SMYD3: variants seen among roughly 807,000 people sequenced by gnomAD.
SMYD3 encodes histone-lysine N-methyltransferase SMYD3.
In SMYD3, 36 loss-of-function variants were observed where a neutral mutation model predicts 57.7. That is an observed-to-expected ratio of 0.62 (90% confidence interval 0.48 to 0.82). The LOEUF (loss-of-function observed/expected upper bound fraction) is 0.82. Ranked by LOEUF, SMYD3 falls within the 40% of genes least tolerant of loss-of-function variation. The probability of loss-of-function intolerance (pLI) is 0.00; values close to 1 mark genes in which losing one functional copy is unlikely to be tolerated. For missense variants in SMYD3, 515 were observed against 538.8 expected (o/e 0.96, Z 0.44); for synonymous variants, 211 against 195.0 (o/e 1.08, Z -0.68).
Position 246,335,374 on chromosome 1 carries a change from A to G in SMYD3, c.329T>C (p.Phe110Ser). The G allele has an allele frequency of 6.2e-7, 1 of 1,614,000 alleles. No homozygotes were observed. The highest frequency in any genetic ancestry group is 8.5e-7 in the Non-Finnish European group (1 of 1,179,860). The stretch of plus-strand genomic sequence containing the variant: ...CATGAGTTTTATACTCACAAGTTTG[A>G]AGACAACTCTGCCAAGAAGTCGAAC... ...DSVRLLGRVV[F>S]KLMDGAPSES... Residue 110 changes from phenylalanine (F) to serine (S), a missense_variant, in exon 3 of 12, where the codon TTC becomes TCC. By Grantham distance (155) the Phe-to-Ser change is radical. Transcript: ENST00000490107.
intron 5 of SMYD3, among the ~76,000 whole-genome samples, chr1:245,999,884 C>T (rs901879370): frequency 6.6e-6 from 1 of 152,188 alleles, no homozygotes; most frequent in African/African-American, 2.4e-5. Flanking sequence ...ACTTACTTTG[C>T]TTACTTCTTC....
chr1:246,392,696 C>G (rs1486858250), intron 1 of SMYD3, among the ~76,000 whole-genome samples: 2 of 151,856 alleles, frequency 1.3e-5, no homozygotes, highest in African/African-American at 4.8e-5. Flanking sequence ...CATCCTCCCA[C>G]CTCCACCTTC....
chr1:246,223,278 G>C (rs942148966), intron 5 of SMYD3, among the ~76,000 whole-genome samples: 3 of 152,178 alleles, frequency 2.0e-5, no homozygotes, highest in Admixed American at 1.3e-4. Context: ...AGTGTTGCCA[G>C]AGATGGAAGG....
intron 5 of SMYD3, among the ~76,000 whole-genome samples, chr1:246,144,153 C>T (rs1473347718): frequency 6.6e-6 from 1 of 152,176 alleles, no homozygotes; most frequent in African/African-American, 2.4e-5. Flanking sequence ...ACGGATACAC[C>T]CGCCAGAGGA....
chr1:246,217,078 T>G (rs2063176074), intron 5 of SMYD3, among the ~76,000 whole-genome samples: 1 of 152,118 alleles, frequency 6.6e-6, no homozygotes, highest in Admixed American at 6.5e-5. Flanking sequence ...AGGGGGATAA[T>G]TTTTTTCTAG....
chr1:246,338,925 A>C (rs529005533), intron 2 of SMYD3, among the ~76,000 whole-genome samples: 36 of 152,330 alleles, frequency 2.4e-4, no homozygotes, highest in African/African-American at 7.9e-4. Flanking sequence ...GGAGCCAGAC[A>C]TTCTGTGTCG....
intron 5 of SMYD3, among the ~76,000 whole-genome samples, chr1:246,126,205 G>A (rs1341543289): frequency 6.6e-6 from 1 of 152,246 alleles, no homozygotes; most frequent in East Asian, 1.9e-4. Flanking sequence ...CTTTAGATCA[G>A]TGGTTCTCAC....
intron 1 of SMYD3, among the ~76,000 whole-genome samples, chr1:246,479,237 T>C (rs563514673): frequency 7.9e-5 from 12 of 152,362 alleles, no homozygotes; most frequent in African/African-American, 2.6e-4. Flanking sequence ...TACAAGATCA[T>C]GGTTCATACT....
At position 246,064,651 on chromosome 1, in the gene SMYD3, G is replaced by A. The variant is rs571696981; in HGVS notation, c.532-134714C>T. On this transcript the variant is annotated intron_variant, in intron 5 of 11. Transcript: ENST00000490107. ...TGTGTGTCCTTAAAGGTGGGACTGC[G>A]TATCCCCAGTGTCTAGCATGGTCAC... Among the ~76,000 whole-genome samples, 5 of 152,268 alleles carry A rather than the reference G, an allele frequency of 3.3e-5. No homozygotes were observed. In the South Asian group the frequency reaches 6.2e-4, roughly 19 times the overall value.
At chr1:246,001,828 A>G (rs1196728529) in intron 5 of SMYD3, among the ~76,000 whole-genome samples, 1 of 152,156 alleles carries the variant, frequency 6.6e-6, no homozygotes, top group African/African-American at 2.4e-5. Flanking sequence ...GGGAGCTGGC[A>G]GCTACTCAGA....
intron 10 of SMYD3, among the ~76,000 whole-genome samples, chr1:245,784,024 A>G (rs1356608176): frequency 6.6e-6 from 1 of 152,242 alleles, no homozygotes; most frequent in Non-Finnish European, 1.5e-5. Flanking sequence ...GTAGCTATAG[A>G]CAAGAGTATT....
In SMYD3 at chr1:246,253,802, C is replaced by T. The variant is rs551360486; in HGVS notation, c.531+73399G>A. On this transcript the variant is annotated intron_variant, in intron 5 of 11. Transcript: ENST00000490107. Reference sequence around the variant, plus strand: ...AAACGCTATTGATTTCTGCACACAGCGATGAACATGCAACTATATGTCTTT... The same window carrying T: ...AAACGCTATTGATTTCTGCACACAGTGATGAACATGCAACTATATGTCTTT... Among the ~76,000 whole-genome samples the T allele has an allele frequency of 3.0e-4, 45 of 152,262 alleles. No homozygotes were observed. The South Asian group carries it at 7.3e-3, about 25-fold the overall frequency.
intron 1 of SMYD3, among the ~76,000 whole-genome samples, chr1:246,442,240 C>A (rs1030744801): frequency 1.3e-5 from 2 of 152,140 alleles, no homozygotes; most frequent in Admixed American, 6.5e-5. Context: ...AAACAATAAA[C>A]CCTTATGGAA....
chr1:246,496,122 T>C (rs12750547), intron 1 of SMYD3, among the ~76,000 whole-genome samples: 61,191 of 151,536 alleles, frequency 0.4, 14,117 homozygotes, highest in East Asian at 0.71. Context: ...CCGTAACCTC[T>C]GCCTCCCGGG....
rs548833664 is a variant in SMYD3 at position 246,379,549 on chromosome 1, A to T, written c.165-24455T>A. 2.6e-4 allele frequency among the ~76,000 whole-genome samples: 40 copies of T among 152,322 alleles called. No individual in the cohort carries two copies. The South Asian group carries it at 8.1e-3, about 31-fold the overall frequency. ...GTCCTTCACATATCTAACAATGAAA[A>T]ATTACTGAATTAACGTAACAGTTGA... On this transcript the variant is annotated intron_variant, in intron 1 of 11. Coordinates refer to ENST00000490107, the MANE Select transcript of SMYD3 (RefSeq NM_001167740.2).
chr1:245,887,317 T>C (rs559770477), intron 8 of SMYD3, among the ~76,000 whole-genome samples: 1 of 152,284 alleles, frequency 6.6e-6, no homozygotes, highest in Admixed American at 6.5e-5. Flanking sequence ...TTACCCTATA[T>C]GGTCTAAAAA....
At chr1:246,305,820 G>A (rs1047454663) in intron 5 of SMYD3, 2 of 152,172 alleles carry the variant, frequency 1.3e-5, no homozygotes, top group African/African-American at 2.4e-5. Context: ...CTTAATAAAT[G>A]AGTATGATAT....
intron 5 of SMYD3, among the ~76,000 whole-genome samples, chr1:246,039,368 C>G (rs2059830176): frequency 6.6e-6 from 1 of 152,078 alleles, no homozygotes; most frequent in Admixed American, 6.5e-5. Flanking sequence ...CAGATATGCA[C>G]CCACCACACT....
In SMYD3 at chr1:245,948,681, C is replaced by T. The variant is rs192610116; in HGVS notation, c.532-18744G>A. On this transcript the variant is annotated intron_variant, in intron 5 of 11. Coordinates refer to ENST00000490107, the MANE Select transcript of SMYD3 (RefSeq NM_001167740.2). The stretch of plus-strand genomic sequence containing the variant: ...CTTGAATGTCCACATTCCTGGAGCC[C>T]CATTGATATCCTCCACCACAGCCAC... Among the ~76,000 whole-genome samples the T allele has an allele frequency of 6.8e-4, 103 of 152,288 alleles. 1 individual carries two copies. The East Asian group carries it at 0.013, about 19-fold the overall frequency.
Sources: gnomAD v4.1 joint callset for allele counts (sites outside exome capture counted in the v4.1 genomes callset) on GRCh38, gnomAD v4.1.1 for gene constraint, MANE v1.5 for transcripts, NCBI Gene and HGNC (gene_info 2026-07-23, HGNC 2026-07-21) for gene names.